Variants in LRBA observed in about 807,000 individuals in gnomAD.
LRBA encodes the protein lipopolysaccharide-responsive and beige-like anchor protein.
In LRBA, 176 loss-of-function variants were observed where a neutral mutation model predicts 330.0. The ratio of observed to expected loss-of-function variants is 0.53; its 90% CI spans 0.47 to 0.60. The LOEUF is 0.60. Among genes scored for constraint, LRBA ranks in the 20% least tolerant of loss-of-function variants. The pLI is 0.00. For synonymous variants in LRBA, 1,230 were observed against 1,193.0 expected, an observed-to-expected ratio of 1.03 and a Z score of -0.64; for missense variants, 3,259 against 3,444.8, an observed-to-expected ratio of 0.95 and a Z score of 1.35.
At chr4:150,422,952 G>A (rs567633933) in intron 46 of LRBA, 131 of 783,462 alleles carry the variant, frequency 1.7e-4, no homozygotes, top group South Asian at 8.1e-4. Flanking sequence ...TCTTAATGAC[G>A]TTCCCTAGCC....
intron 52 of LRBA, among the ~76,000 whole-genome samples, chr4:150,308,046 CA>C (rs1163420681): frequency 6.6e-5 from 10 of 152,102 alleles, no homozygotes; most frequent in African/African-American, 2.4e-4. Flanking sequence ...TGGACTCAAA[CA>C]TTTTATAAAG....
chr4:150,407,931 G>A (rs1288526373), intron 47 of LRBA, among the ~76,000 whole-genome samples: 1 of 151,864 alleles, frequency 6.6e-6, no homozygotes, highest in Non-Finnish European at 1.5e-5. Flanking sequence ...AATTGTAATT[G>A]GAAAACCTGA....
intron 37 of LRBA, among the ~76,000 whole-genome samples, chr4:150,605,958 T>C (rs777668082): frequency 3.3e-5 from 5 of 152,164 alleles, no homozygotes; most frequent in Non-Finnish European, 7.4e-5. Context: ...CAGAATTCTT[T>C]CTTTATTGAG....
At chr4:150,774,961 T>C (rs539005626) in intron 34 of LRBA, among the ~76,000 whole-genome samples, 2 of 152,300 alleles carry the variant, frequency 1.3e-5, no homozygotes, top group South Asian at 4.1e-4. Flanking sequence ...CATGATCAAT[T>C]CACCAATGTC....
At chr4:150,961,763 G>A (rs1440071927) in intron 2 of LRBA, among the ~76,000 whole-genome samples, 1 of 149,340 alleles carries the variant, frequency 6.7e-6, no homozygotes, top group Non-Finnish European at 1.5e-5. Context: ...AGCAGTAGAT[G>A]AATGTCTGCT....
intron 47 of LRBA, among the ~76,000 whole-genome samples, chr4:150,358,957 T>C (rs1738276925): frequency 6.6e-6 from 1 of 152,154 alleles, no homozygotes; most frequent in Non-Finnish European, 1.5e-5. Flanking sequence ...ATGGCACCAA[T>C]GATTCCCTGG....
chr4:150,848,847 C>G lies in LRBA; in HGVS notation c.4310G>C (p.Gly1437Ala). ...TCGGAGACACTGCCGCAAAATTCCT[C>G]CAGATGACATACTTTTTTCAGCTTC... ...EIEAEKSMSS[G>A]GILRQCLRLV... The change falls in exon 26 of 57, where the codon GGA (glycine) becomes GCA (alanine). Residue 1437 changes from glycine (G) to alanine (A), a missense_variant. By Grantham distance (60) the Gly-to-Ala change is moderately conservative. Coordinates refer to ENST00000651943, the MANE Select transcript of LRBA (RefSeq NM_001364905.1). 6.2e-7 allele frequency: 1 copy of G among 1,609,666 alleles called. No homozygotes were observed. The highest frequency in any genetic ancestry group is 8.5e-7 in the Non-Finnish European group (1 of 1,177,856).
intron 40 of LRBA, among the ~76,000 whole-genome samples, chr4:150,509,924 G>A (rs942371999): frequency 6.6e-6 from 1 of 152,192 alleles, no homozygotes; most frequent in Admixed American, 6.5e-5. Context: ...ATTACTTGAA[G>A]TCTGGAGTTC....
intron 2 of LRBA, among the ~76,000 whole-genome samples, chr4:150,942,706 T>A (rs1175499031): frequency 6.6e-6 from 1 of 152,094 alleles, no homozygotes; most frequent in African/African-American, 2.4e-5. Context: ...AACTAATCCT[T>A]ACAAGAACCC....
At chr4:150,801,808 C>CT (rs1386128948) in intron 33 of LRBA, among the ~76,000 whole-genome samples, 1 of 151,956 alleles carries the variant, frequency 6.6e-6, no homozygotes, top group Non-Finnish European at 1.5e-5. Flanking sequence ...ATTGTAATAT[C>CT]TAAGATATTT....
At chr4:150,372,290 C>T (rs1395465615) in intron 47 of LRBA, among the ~76,000 whole-genome samples, 4 of 151,972 alleles carry the variant, frequency 2.6e-5, no homozygotes, top group East Asian at 1.9e-4. Flanking sequence ...ACCACTACAC[C>T]GTATTTTATT....
chr4:150,758,718 T>C (rs180949558), intron 35 of LRBA, among the ~76,000 whole-genome samples: 1 of 151,186 alleles, frequency 6.6e-6, no homozygotes, highest in Non-Finnish European at 1.5e-5. Context: ...GGACCACAGG[T>C]GCATGCCACC....
chr4:150,814,603 T>A (rs545964781), intron 31 of LRBA, among the ~76,000 whole-genome samples: 2 of 150,640 alleles, frequency 1.3e-5, no homozygotes, highest in Admixed American at 6.6e-5. Flanking sequence ...CAAGGAAGAC[T>A]TGAAATAACT....
intron 52 of LRBA, among the ~76,000 whole-genome samples, chr4:150,304,872 T>C (rs999246772): frequency 6.6e-6 from 1 of 152,164 alleles, no homozygotes; most frequent in Non-Finnish European, 1.5e-5. Flanking sequence ...AAAGGTTAAA[T>C]CCATGTATTT....
chr4:150,605,619 G>A (rs1774545405), intron 37 of LRBA, among the ~76,000 whole-genome samples: 1 of 152,008 alleles, frequency 6.6e-6, no homozygotes, highest in Admixed American at 6.6e-5. Context: ...CTAAAAAGCA[G>A]TAAACATTTT....
chr4:150,823,117 T>C (rs1312238095), intron 30 of LRBA, among the ~76,000 whole-genome samples: 3 of 152,194 alleles, frequency 2.0e-5, no homozygotes, highest in Non-Finnish European at 4.4e-5. Flanking sequence ...ATAAGCGATT[T>C]TAACTGGAGT....
At chr4:150,889,743 T>C (rs1477862771) in intron 17 of LRBA, among the ~76,000 whole-genome samples, 3 of 152,184 alleles carry the variant, frequency 2.0e-5, no homozygotes, top group African/African-American at 7.2e-5. Flanking sequence ...GCTGGGGACC[T>C]CTGTTTTAGA....
chr4:150,769,347 C>T (rs887866766), intron 34 of LRBA, among the ~76,000 whole-genome samples: 4 of 151,814 alleles, frequency 2.6e-5, no homozygotes, highest in Admixed American at 6.6e-5. Flanking sequence ...CAGAGAGACA[C>T]AGAGACAGAG....
chr4:150,590,351 G>C (rs910795446), intron 39 of LRBA, among the ~76,000 whole-genome samples: 8 of 99,046 alleles, frequency 8.1e-5, no homozygotes, highest in African/African-American at 2.6e-4. Context: ...CTCCTTCCAA[G>C]CTTTATTTAC....
Sources: allele counts gnomAD v4.1 joint callset (sites outside exome capture counted in the v4.1 genomes callset), GRCh38; gene constraint gnomAD v4.1.1; transcripts MANE v1.5; gene names NCBI Gene and HGNC (gene_info 2026-07-23, HGNC 2026-07-21).